Variants in CCDC171 observed in about 807,000 individuals in gnomAD.
CCDC171 encodes the protein coiled-coil domain containing 171.
In CCDC171, 177 loss-of-function variants were observed where a neutral mutation model predicts 168.2. The ratio of observed to expected loss-of-function variants is 1.05; its 90% CI spans 0.93 to 1.19. The LOEUF (loss-of-function observed/expected upper bound fraction) is 1.19, where lower values mean the gene tolerates loss of function less well. Ranked by LOEUF, CCDC171 falls within the 50% of genes most tolerant of loss-of-function variation. The pLI, the probability that CCDC171 is intolerant of heterozygous loss-of-function variation, is 0.00. For synonymous variants in CCDC171, 687 were observed against 540.8 expected, an observed-to-expected ratio of 1.27 and a Z score of -3.75; for missense variants, 1,991 against 1,539.0, an observed-to-expected ratio of 1.29 and a Z score of -4.91.
chr9:15,767,780 G>A (rs1209279237), intron 18 of CCDC171, among the ~76,000 whole-genome samples: 1 of 104,930 alleles, frequency 9.5e-6, no homozygotes, highest in Non-Finnish European at 1.9e-5. Flanking sequence ...TCTGTTCAGT[G>A]TTTGTGTGCC....
intron 11 of CCDC171, among the ~76,000 whole-genome samples, chr9:15,710,735 A>G (rs184875204): frequency 6.6e-6 from 1 of 152,082 alleles, no homozygotes; most frequent in Non-Finnish European, 1.5e-5. Flanking sequence ...ACCTGAGACT[A>G]CAGGTGTGCA....
intron 25 of CCDC171, among the ~76,000 whole-genome samples, chr9:15,944,666 G>C (rs959206193): frequency 6.6e-6 from 1 of 151,962 alleles, no homozygotes; most frequent in South Asian, 2.1e-4. Flanking sequence ...AAGGATGCCT[G>C]TAAGGTTCCT....
intron 18 of CCDC171, among the ~76,000 whole-genome samples, chr9:15,746,021 A>C (rs1482521046): frequency 6.6e-6 from 1 of 152,024 alleles, no homozygotes; most frequent in Non-Finnish European, 1.5e-5. Context: ...GAAAATTTTT[A>C]TCTCTCGTTT....
intron 7 of CCDC171, among the ~76,000 whole-genome samples, chr9:15,627,703 TC>T (rs2045284010): frequency 6.6e-6 from 1 of 152,226 alleles, no homozygotes. Context: ...TAATTTCTGT[TC>T]TTTTATATTT....
chr9:15,832,698 C>G (rs890487174), intron 21 of CCDC171, among the ~76,000 whole-genome samples: 1 of 152,166 alleles, frequency 6.6e-6, no homozygotes, highest in Non-Finnish European at 1.5e-5. Flanking sequence ...AATGTGAAGA[C>G]GTAGGACATT....
intron 9 of CCDC171, among the ~76,000 whole-genome samples, chr9:15,675,187 G>GTTGTT (rs2049435851): frequency 1.3e-5 from 1 of 75,530 alleles, no homozygotes; most frequent in Non-Finnish European, 2.3e-5. Context: ...TGCAACTCCT[G>GTTGTT]TTTTTTTTTT....
chr9:15,762,791 AC>A (rs1293207973), intron 18 of CCDC171, among the ~76,000 whole-genome samples: 1 of 152,162 alleles, frequency 6.6e-6, no homozygotes, highest in Non-Finnish European at 1.5e-5. Context: ...GGAGTCAGTC[AC>A]CCCTGCTCCT....
the CCDC171 span, among the ~76,000 whole-genome samples, chr9:16,083,097 T>C: frequency 2.6e-5 from 4 of 152,236 alleles, no homozygotes; most frequent in African/African-American, 7.2e-5. Flanking sequence ...GTTTTTATTT[T>C]GTCATTAAAA....
intron 1 of CCDC171, among the ~76,000 whole-genome samples, chr9:16,049,583 C>T (rs1032106639): frequency 2.0e-5 from 3 of 152,154 alleles, no homozygotes; most frequent in African/African-American, 7.2e-5. Flanking sequence ...CTTTGGGCTC[C>T]AGGACTTACA....
the CCDC171 span, among the ~76,000 whole-genome samples, chr9:16,095,327 CAT>C: frequency 1.2e-4 from 18 of 152,104 alleles, no homozygotes; most frequent in South Asian, 2.1e-4. Flanking sequence ...CCCATGGAAA[CAT>C]GTGGGTCAAA....
intron 21 of CCDC171, among the ~76,000 whole-genome samples, chr9:15,823,359 G>T (rs1391910433): frequency 6.6e-6 from 1 of 151,816 alleles, no homozygotes; most frequent in East Asian, 1.9e-4. Flanking sequence ...AAGGTATATT[G>T]TCTTGCCTTG....
intron 6 of CCDC171, among the ~76,000 whole-genome samples, chr9:15,613,258 T>A (rs2043831565): frequency 6.6e-6 from 1 of 152,182 alleles, no homozygotes; most frequent in South Asian, 2.1e-4. Flanking sequence ...TGGCATGAAA[T>A]AGAAGTCCTC....
At chr9:15,945,345 T>C (rs943665326) in intron 25 of CCDC171, among the ~76,000 whole-genome samples, 21 of 146,786 alleles carry the variant, frequency 1.4e-4, no homozygotes, top group Middle Eastern at 7.0e-3. Context: ...AACATAGGTG[T>C]GCATGTGTCT....
intron 21 of CCDC171, 43 bp downstream of exon 21, chr9:15,784,737 T>C: frequency 2.8e-6 from 4 of 1,419,588 alleles, no homozygotes; most frequent in Non-Finnish European, 3.9e-6. Context: ...ATATTTTATC[T>C]ATGTGTGGAT....
At chr9:15,920,139 T>G in intron 24 of CCDC171, 131 bp from the exon 25 acceptor site, 1 of 524,042 alleles carries the variant, frequency 1.9e-6, no homozygotes, top group Admixed American at 3.7e-5. Flanking sequence ...TAGGTTTAGC[T>G]TTATTATTTT....
intron 24 of CCDC171, among the ~76,000 whole-genome samples, chr9:15,899,134 C>T (rs138160523): frequency 6.6e-6 from 1 of 152,146 alleles, no homozygotes; most frequent in East Asian, 1.9e-4. Flanking sequence ...CAAGTTTTTG[C>T]ATATATCAAT....
At position 15,585,411 on chromosome 9, in the gene CCDC171, G is replaced by C. The variant is rs192956324; in HGVS notation, c.353-5955G>C. Among the ~76,000 whole-genome samples, 351 of 152,258 alleles carry C rather than the reference G, an allele frequency of 2.3e-3. 2 individuals are homozygous for C. Among genetic ancestry groups the C allele is most frequent in the African/African-American group, 8.2e-3 (339 of 41,544 alleles). On this transcript the variant is annotated intron_variant, in intron 4 of 25. Coordinates refer to ENST00000380701, the MANE Select transcript of CCDC171 (RefSeq NM_173550.4). ...AATGCTACTCAACAATAAGAAGAAAGCAACCACTAACGTATGCGGTAACAT... is the reference window on the plus strand; with the variant it reads ...AATGCTACTCAACAATAAGAAGAAACCAACCACTAACGTATGCGGTAACAT...
intron 25 of CCDC171, among the ~76,000 whole-genome samples, chr9:15,956,387 G>A (rs1479785569): frequency 6.6e-6 from 1 of 152,100 alleles, no homozygotes; most frequent in Non-Finnish European, 1.5e-5. Flanking sequence ...TCATAATTCT[G>A]TCTTAGTAAC....
chr9:16,097,946 C>T, the CCDC171 span, among the ~76,000 whole-genome samples: 2 of 152,284 alleles, frequency 1.3e-5, no homozygotes, highest in Non-Finnish European at 2.9e-5. Context: ...TATGTTGGTA[C>T]CAGTCAGCTT....
Sources: allele counts gnomAD v4.1 joint callset (sites outside exome capture counted in the v4.1 genomes callset), GRCh38; gene constraint gnomAD v4.1.1; transcripts MANE v1.5; gene names NCBI Gene and HGNC (gene_info 2026-07-23, HGNC 2026-07-21).